Variants in TMC1 observed in about 807,000 individuals in gnomAD.
The protein encoded by TMC1 is transmembrane channel-like protein 1.
Under a neutral mutation model 105.8 loss-of-function variants are expected in TMC1, and 84 were observed. That is an observed-to-expected ratio of 0.79 (90% CI 0.67 to 0.95). The LOEUF (loss-of-function observed/expected upper bound fraction) is 0.95. Among genes scored for constraint, TMC1 ranks in the 40% least tolerant of loss-of-function variants. TMC1 has a pLI of 0.00. For missense variants in TMC1, 817 were observed against 914.1 expected (o/e 0.89, Z 1.37); for synonymous variants, 315 against 311.5 (o/e 1.01, Z -0.12).
intron 12 of TMC1, among the ~76,000 whole-genome samples, chr9:72,755,717 A>G (rs1827667541): frequency 6.6e-6 from 1 of 152,222 alleles, no homozygotes; most frequent in Non-Finnish European, 1.5e-5. Flanking sequence ...TGATAATTCA[A>G]GTAATTTTTG....
chr9:72,808,224 CACATGGGCTTCTTTTTATGCTCAA>C (rs1361154207), intron 18 of TMC1, among the ~76,000 whole-genome samples: 16 of 152,328 alleles, frequency 1.1e-4, no homozygotes, highest in African/African-American at 3.8e-4. Flanking sequence ...TTGTAAAGTT[CACATGGGCTTCTTTTTATGCTCAA>C]ACATGGGCTG....
chr9:72,705,725 G>A (rs560096254), intron 8 of TMC1, among the ~76,000 whole-genome samples: 1 of 152,298 alleles, frequency 6.6e-6, no homozygotes, highest in South Asian at 2.1e-4. Context: ...TACAAATTAG[G>A]ATACAGAAAC....
At chr9:72,779,643 C>T (rs1192227945) in intron 13 of TMC1, among the ~76,000 whole-genome samples, 1 of 151,970 alleles carries the variant, frequency 6.6e-6, no homozygotes, top group African/African-American at 2.4e-5. Flanking sequence ...GCAGAACAGC[C>T]CAAGCTGAGG....
chr9:72,820,992 C>A lies in TMC1; in HGVS notation c.1914C>A (p.Gly638=), dbSNP rs370910801. Residue 638 remains glycine (G), a synonymous_variant, in exon 20 of 24, where the codon GGC becomes GGA. Transcript: ENST00000297784. The part of the protein sequence containing the change: ...KASRSNNFYL[G]MLLLILFLST... ...CCAGATCAAATAACTTCTACCTGGG[C>A]ATGCTACTGCTCATCCTCTTCCTGT... 3.7e-6 allele frequency: 6 copies of A among 1,614,040 alleles called. No individual in the cohort carries two copies. Among genetic ancestry groups the A allele is most frequent in the Non-Finnish European group, 3.4e-6 (4 of 1,180,012 alleles).
At chr9:72,834,497 T>C (rs552187850) in intron 23 of TMC1, among the ~76,000 whole-genome samples, 15 of 152,250 alleles carry the variant, frequency 9.9e-5, no homozygotes, top group Admixed American at 3.3e-4. Flanking sequence ...CATGTCAGTA[T>C]TTTTAGGCTT....
intron 5 of TMC1, among the ~76,000 whole-genome samples, chr9:72,660,712 G>A (rs1405268942): frequency 6.6e-6 from 1 of 152,094 alleles, no homozygotes; most frequent in African/African-American, 2.4e-5. Flanking sequence ...TGAACTGTGC[G>A]GGAGATGCTT....
At chr9:72,617,389 T>C (rs1305135146) in intron 3 of TMC1, among the ~76,000 whole-genome samples, 1 of 152,136 alleles carries the variant, frequency 6.6e-6, no homozygotes, top group Non-Finnish European at 1.5e-5. Context: ...GTCTTGATCC[T>C]GACCTCAAGT....
chr9:72,744,987 G>A (rs994805321), intron 10 of TMC1, among the ~76,000 whole-genome samples: 2 of 152,140 alleles, frequency 1.3e-5, no homozygotes, highest in African/African-American at 4.8e-5. Flanking sequence ...TCTTCTTCTA[G>A]TAAATTTGGA....
At chr9:72,586,671 G>A (rs925738224) in intron 2 of TMC1, among the ~76,000 whole-genome samples, 3 of 152,146 alleles carry the variant, frequency 2.0e-5, no homozygotes, top group African/African-American at 7.2e-5. Context: ...CCCCAAAGAG[G>A]ATCATCTGGT....
chr9:72,708,146 C>T (rs1371800711), intron 8 of TMC1, among the ~76,000 whole-genome samples: 1 of 152,026 alleles, frequency 6.6e-6, no homozygotes, highest in South Asian at 2.1e-4. Context: ...TACCAGTAGC[C>T]TGCTGTTTTG....
intron 17 of TMC1, among the ~76,000 whole-genome samples, chr9:72,800,597 A>G (rs1315682868): frequency 6.6e-6 from 1 of 150,902 alleles, no homozygotes; most frequent in Non-Finnish European, 1.5e-5. Context: ...AAGAAATACC[A>G]TTTAGTTAAT....
intron 5 of TMC1, among the ~76,000 whole-genome samples, chr9:72,671,598 G>A (rs1303912603): frequency 6.6e-6 from 1 of 152,148 alleles, no homozygotes; most frequent in Non-Finnish European, 1.5e-5. Context: ...AAACAAAGAA[G>A]AGATGGGAGA....
intron 2 of TMC1, among the ~76,000 whole-genome samples, chr9:72,612,173 T>C (rs1364009484): frequency 1.3e-5 from 2 of 152,130 alleles, no homozygotes; most frequent in Non-Finnish European, 2.9e-5. Context: ...TCTTAGGCCC[T>C]TGAAATTTCT....
intron 18 of TMC1, among the ~76,000 whole-genome samples, chr9:72,807,242 GGAAAGA>G (rs1828619767): frequency 6.6e-6 from 1 of 152,178 alleles, no homozygotes; most frequent in African/African-American, 2.4e-5. Context: ...GGGAGACCGT[GGAAAGA>G]GAGGGAGAGG....
chr9:72,582,312 A>G (rs1824488520), intron 2 of TMC1, among the ~76,000 whole-genome samples: 1 of 152,248 alleles, frequency 6.6e-6, no homozygotes, highest in African/African-American at 2.4e-5. Context: ...AAACAGCAAG[A>G]AAAACATATT....
At position 72,539,990 on chromosome 9, in the gene TMC1, A is replaced by G. The variant is rs545265956; in HGVS notation, c.-428+18077A>G. ...GGGAGCCTCCATGTGCAGAGATCAC[A>G]TGGCGAGAGAGGAAGAGCGTGAGAG... is the stretch of plus-strand genomic sequence containing the variant. On this transcript the variant is annotated intron_variant, in intron 1 of 23. Transcript: ENST00000297784. 3.5e-4 allele frequency among the ~76,000 whole-genome samples: 53 copies of G among 152,320 alleles called. 1 individual carries two copies. In the South Asian group the frequency reaches 0.01, roughly 30 times the overall value.
chr9:72,553,484 C>G (rs1173115859), intron 1 of TMC1, among the ~76,000 whole-genome samples: 1 of 152,132 alleles, frequency 6.6e-6, no homozygotes, highest in African/African-American at 2.4e-5. Context: ...TGTAGCTGTT[C>G]TACTCTTCTC....
At chr9:72,654,573 C>T (rs969934578) in intron 5 of TMC1, among the ~76,000 whole-genome samples, 3 of 152,048 alleles carry the variant, frequency 2.0e-5, no homozygotes, top group Non-Finnish European at 4.4e-5. Flanking sequence ...TAATGGTATA[C>T]CCCTTACATA....
intron 12 of TMC1, among the ~76,000 whole-genome samples, chr9:72,766,214 G>A (rs1487405656): frequency 1.3e-5 from 2 of 151,718 alleles, no homozygotes; most frequent in Non-Finnish European, 2.9e-5. Context: ...TCAGGAGATC[G>A]AGACCATCCT....
Sources: allele counts gnomAD v4.1 joint callset (sites outside exome capture counted in the v4.1 genomes callset), GRCh38; gene constraint gnomAD v4.1.1; transcripts MANE v1.5; gene names NCBI Gene and HGNC (gene_info 2026-07-23, HGNC 2026-07-21).